EEA1: variants seen among roughly 807,000 people sequenced by gnomAD.
EEA1 encodes early endosome antigen 1, 162kD.
EEA1 carries 111 observed loss-of-function variants against 209.2 expected under a neutral mutation model. The ratio of observed to expected loss-of-function variants is 0.53; its 90% CI spans 0.45 to 0.62. The LOEUF (loss-of-function observed/expected upper bound fraction) is 0.62. Among genes scored for constraint, EEA1 ranks in the 20% least tolerant of loss-of-function variants. The pLI, the probability that EEA1 is intolerant of heterozygous loss-of-function variation, is 0.00. For synonymous variants in EEA1, 536 were observed against 540.6 expected (o/e 0.99, Z 0.12); for missense variants, 1,343 against 1,530.8 (o/e 0.88, Z 2.05).
intron 9 of EEA1, 41 bp downstream of exon 9, chr12:92,851,070 A>C (rs746032403): frequency 6.2e-7 from 1 of 1,601,760 alleles, no homozygotes; most frequent in Admixed American, 1.7e-5. Context: ...ACACTACACA[A>C]GCTAATATGA....
chr12:92,814,775 C>A (rs2136677637), intron 15 of EEA1, among the ~76,000 whole-genome samples: 1 of 152,196 alleles, frequency 6.6e-6, no homozygotes, highest in Admixed American at 6.5e-5. Flanking sequence ...TAATAATGTA[C>A]CTTGATGCTG....
At chr12:92,880,579 A>C (rs1592753777) in intron 2 of EEA1, among the ~76,000 whole-genome samples, 1 of 151,374 alleles carries the variant, frequency 6.6e-6, no homozygotes, top group South Asian at 2.1e-4. Context: ...AGTTCTCACC[A>C]CTCTCCTGCC....
At chr12:92,859,188 G>C (rs1212331963) in intron 3 of EEA1, 10 of 1,611,962 alleles carry the variant, frequency 6.2e-6, no homozygotes, top group Non-Finnish European at 8.5e-6. Flanking sequence ...TGGATCTGAA[G>C]AAGCCAATTT....
intron 9 of EEA1, among the ~76,000 whole-genome samples, chr12:92,843,611 T>C (rs1877266030): frequency 6.6e-6 from 1 of 151,280 alleles, no homozygotes; most frequent in Admixed American, 6.6e-5. Context: ...AGACGAAGTA[T>C]TTTTTTTTAA....
intron 1 of EEA1, among the ~76,000 whole-genome samples, chr12:92,921,997 C>T (rs1266572333): frequency 6.6e-6 from 1 of 151,950 alleles, no homozygotes; most frequent in Non-Finnish European, 1.5e-5. Flanking sequence ...TTTCTATTCC[C>T]TTACTTCCTA....
At chr12:92,803,748 C>T (rs1313337972) in intron 18 of EEA1, among the ~76,000 whole-genome samples, 2 of 152,006 alleles carry the variant, frequency 1.3e-5, no homozygotes, top group African/African-American at 2.4e-5. Context: ...AATAGGTTCA[C>T]AAGATATTAT....
At chr12:92,911,061 G>A (rs954399093) in intron 1 of EEA1, among the ~76,000 whole-genome samples, 4 of 151,086 alleles carry the variant, frequency 2.6e-5, no homozygotes, top group Middle Eastern at 3.2e-3. Context: ...CAGCTACTTT[G>A]GAAGACAGTT....
At chr12:92,831,960 G>A (rs1170504813) in intron 11 of EEA1, among the ~76,000 whole-genome samples, 8 of 150,938 alleles carry the variant, frequency 5.3e-5, no homozygotes, top group South Asian at 2.1e-4. Context: ...GGTGGCGGGC[G>A]CCTGTAGTCC....
intron 1 of EEA1, among the ~76,000 whole-genome samples, chr12:92,894,355 C>G (rs1357583591): frequency 1.3e-5 from 2 of 152,138 alleles, no homozygotes; most frequent in East Asian, 3.8e-4. Flanking sequence ...AGAAGAGCTG[C>G]TCATTTCTCA....
intron 23 of EEA1, among the ~76,000 whole-genome samples, chr12:92,780,875 C>A (rs1284056789): frequency 6.6e-6 from 1 of 152,098 alleles, no homozygotes; most frequent in Non-Finnish European, 1.5e-5. Context: ...TCTGTATGAT[C>A]TAAAGCTCAC....
In EEA1 at chr12:92,775,362, C is replaced by G. The variant is rs1352246905; in HGVS notation, c.*649G>C. ...ATTTTACAGAGGTTTTTATAAAATC[C>G]ACCCAAGAAAATTTAATTAATATTG... is the stretch of plus-strand genomic sequence containing the variant. On this transcript the variant is annotated 3_prime_UTR_variant, in exon 29 of 29. Coordinates refer to ENST00000322349, the MANE Select transcript of EEA1 (RefSeq NM_003566.4). 3.3e-5 allele frequency: 5 copies of G among 151,524 alleles called. No individual in the cohort carries two copies. The highest frequency in any genetic ancestry group is 1.5e-5 in the Non-Finnish European group (1 of 67,670). The allele number at this position is 151,524 out of a possible 1,614,324, so 9.4% of individuals were successfully genotyped here. A position where few individuals can be genotyped will look rare whatever the true frequency, so the allele number is the denominator to read the frequency against.
rs75397187 is a variant in EEA1, at chr12:92,817,696, T to C, written c.1729-1296A>G. ...CTCACATTGTTTCTGTTTCTTCACA[T>C]GTGTAGTAATCTTTTACTATTTATT... On this transcript the variant is annotated intron_variant, in intron 14 of 28. Coordinates refer to ENST00000322349, the MANE Select transcript of EEA1 (RefSeq NM_003566.4). Among the ~76,000 whole-genome samples, 394 of 152,352 alleles carry C rather than the reference T, an allele frequency of 2.6e-3. 3 individuals carry two copies. The highest frequency in any genetic ancestry group is 8.8e-3 in the African/African-American group (364 of 41,580).
intron 9 of EEA1, among the ~76,000 whole-genome samples, chr12:92,850,339 G>C (rs1308132969): frequency 6.6e-6 from 1 of 152,190 alleles, no homozygotes; most frequent in Non-Finnish European, 1.5e-5. Context: ...GTTCTGGACT[G>C]AATTTAGACT....
chr12:92,886,444 G>GT (rs781580677), intron 2 of EEA1, among the ~76,000 whole-genome samples: 1 of 664 alleles, frequency 1.5e-3, no homozygotes, highest in Non-Finnish European at 3.4e-3. Context: ...AGAAAGGAAC[G>GT]CCAGGAGGGG....
At chr12:92,791,604 G>C (rs891803381) in intron 21 of EEA1, among the ~76,000 whole-genome samples, 35 of 152,132 alleles carry the variant, frequency 2.3e-4, no homozygotes, top group Non-Finnish European at 2.9e-5. Context: ...CCCAATACAG[G>C]AGCACCCAGA....
intron 2 of EEA1, among the ~76,000 whole-genome samples, chr12:92,873,159 T>C (rs570345938): frequency 6.6e-6 from 1 of 152,364 alleles, no homozygotes; most frequent in Non-Finnish European, 1.5e-5. Context: ...TAAATGTCCT[T>C]ATCTATAAAA....
At chr12:92,901,976 T>C (rs902117123) in intron 1 of EEA1, among the ~76,000 whole-genome samples, 3 of 152,174 alleles carry the variant, frequency 2.0e-5, no homozygotes, top group Non-Finnish European at 4.4e-5. Flanking sequence ...TCTAACTTTT[T>C]CACTTATAAA....
chr12:92,924,772 G>T (rs556631542), intron 1 of EEA1, among the ~76,000 whole-genome samples: 2 of 132,114 alleles, frequency 1.5e-5, no homozygotes, highest in South Asian at 2.5e-4. Flanking sequence ...ATTTCTTAAC[G>T]TCTTCTTTAT....
At chr12:92,908,920 T>C (rs1880479113) in intron 1 of EEA1, among the ~76,000 whole-genome samples, 1 of 152,084 alleles carries the variant, frequency 6.6e-6, no homozygotes, top group South Asian at 2.1e-4. Context: ...GCCTCCCAAG[T>C]TCTAGCAATT....
Sources: gnomAD v4.1 joint callset for allele counts (sites outside exome capture counted in the v4.1 genomes callset) on GRCh38, gnomAD v4.1.1 for gene constraint, MANE v1.5 for transcripts, NCBI Gene and HGNC (gene_info 2026-07-23, HGNC 2026-07-21) for gene names.